The following KANK1 variants were observed in gnomAD, a reference collection of about 807,000 sequenced individuals.
KANK1 encodes the protein KN motif and ankyrin repeat domain-containing protein 1.
KANK1 carries 109 observed loss-of-function variants against 106.2 expected under a neutral mutation model. That is an observed-to-expected ratio of 1.03 (90% CI 0.88 to 1.20). The LOEUF is 1.20. Among genes scored for constraint, KANK1 ranks in the 50% most tolerant of loss-of-function variants. The probability of loss-of-function intolerance (pLI) is 0.00; values close to 1 mark genes in which losing one functional copy is unlikely to be tolerated. For missense variants in KANK1, 2,399 were observed against 1,710.7 expected, an observed-to-expected ratio of 1.40 and a Z score of -7.10; for synonymous variants, 873 against 652.2, an observed-to-expected ratio of 1.34 and a Z score of -5.16.
intron 1 of KANK1, among the ~76,000 whole-genome samples, chr9:605,703 C>T (rs1160101969): frequency 6.6e-6 from 1 of 151,786 alleles, no homozygotes; most frequent in Non-Finnish European, 1.5e-5. Context: ...AGAGAATAAG[C>T]ATGATCAGGC....
chr9:602,715 A>G (rs1026244295), intron 1 of KANK1, among the ~76,000 whole-genome samples: 1 of 151,838 alleles, frequency 6.6e-6, no homozygotes, highest in Admixed American at 6.5e-5. Flanking sequence ...TTTATGTGTG[A>G]AGTCTTTACG....
In KANK1 at chr9:486,342, AATC is replaced by A. The variant is rs564415814; in HGVS notation, c.-362+13076_-362+13078del. Among the ~76,000 whole-genome samples, 28 of 152,352 alleles carry A rather than the reference AATC, an allele frequency of 1.8e-4. No homozygotes were observed. The South Asian group carries it at 5.2e-3, about 28-fold the overall frequency. On this transcript the variant is annotated intron_variant, in intron 3 of 15. Coordinates refer to the KANK1 transcript ENST00000382303. Reference sequence around the variant, plus strand: ...TTGATCCTGTCTTTCCTCTTGAAGTAATCATCATCGTCGTCATGATCATCATCA... The same window carrying A: ...TTGATCCTGTCTTTCCTCTTGAAGTAATCATCGTCGTCATGATCATCATCA...
At chr9:604,072 A>G (rs16924547) in intron 1 of KANK1, among the ~76,000 whole-genome samples, 7,437 of 151,390 alleles carry the variant, frequency 0.049, 616 homozygotes, top group East Asian at 0.24. Flanking sequence ...CAGTGATTTC[A>G]GCAAAAAGTT....
intron 2 of KANK1, among the ~76,000 whole-genome samples, chr9:680,477 A>G (rs1817321606): frequency 6.6e-6 from 1 of 152,234 alleles, no homozygotes; most frequent in Non-Finnish European, 1.5e-5. Flanking sequence ...GCCACACTTC[A>G]GACATACAAA....
intron 1 of KANK1, among the ~76,000 whole-genome samples, chr9:564,204 C>G (rs1011118360): frequency 6.6e-6 from 1 of 151,874 alleles, no homozygotes; most frequent in South Asian, 2.1e-4. Context: ...GGATTACAGA[C>G]GCCCGCCACC....
At chr9:586,704 G>A (rs1248693751) in intron 1 of KANK1, among the ~76,000 whole-genome samples, 3 of 152,124 alleles carry the variant, frequency 2.0e-5, no homozygotes, top group South Asian at 2.1e-4. Context: ...CCAAACACAC[G>A]GAGGAGGAGA....
Position 672,026 on chromosome 9 carries a change from GTAAGCA to G in KANK1, c.-83-4861_-83-4856del, listed in dbSNP as rs200794717. Among the ~76,000 whole-genome samples, 36 of 152,320 alleles carry G rather than the reference GTAAGCA, an allele frequency of 2.4e-4. 1 individual carries two copies. In the East Asian group the frequency reaches 5.0e-3, roughly 21 times the overall value. ...AGGATTTGCGCAAAGCCTCCTTGCA[GTAAGCA>G]TATAGGTAACTAAGGTGTCTACCTT... On this transcript the variant is annotated intron_variant, in intron 1 of 11. Transcript: ENST00000382297.
At chr9:573,345 C>G (rs1363353718) in intron 1 of KANK1, among the ~76,000 whole-genome samples, 2 of 152,182 alleles carry the variant, frequency 1.3e-5, no homozygotes, top group Non-Finnish European at 2.9e-5. Flanking sequence ...TCTTGGCTCA[C>G]TGCAAGCTCC....
Position 491,229 on chromosome 9 carries a change from G to A in KANK1, c.-362+17956G>A, listed in dbSNP as rs149212187. On this transcript the variant is annotated intron_variant, in intron 3 of 15. Transcript: ENST00000382303. ...TCCTACCTCGGCCTCCCAAAGTGCTGGAATTACACATGTAAACCACCGTGC... is the reference window on the plus strand; with the variant it reads ...TCCTACCTCGGCCTCCCAAAGTGCTAGAATTACACATGTAAACCACCGTGC... Among the ~76,000 whole-genome samples, 384 of 151,488 alleles carry A rather than the reference G, an allele frequency of 2.5e-3. 4 individuals are homozygous for A. The highest frequency in any genetic ancestry group is 9.3e-3 in the African/African-American group (382 of 41,174).
At chr9:620,876 C>G (rs964637740) in intron 1 of KANK1, among the ~76,000 whole-genome samples, 6 of 152,166 alleles carry the variant, frequency 3.9e-5, no homozygotes, top group South Asian at 2.1e-4. Flanking sequence ...CTACAGCCCT[C>G]TTAACAATTT....
intron 1 of KANK1, among the ~76,000 whole-genome samples, chr9:573,379 C>G (rs1819703804): frequency 6.6e-6 from 1 of 152,120 alleles, no homozygotes; most frequent in Non-Finnish European, 1.5e-5. Context: ...ACGCCATTCT[C>G]TTGCCTCAGC....
chr9:542,439 G>C (rs1232181234), intron 1 of KANK1, among the ~76,000 whole-genome samples: 1 of 152,228 alleles, frequency 6.6e-6, no homozygotes, highest in Non-Finnish European at 1.5e-5. Context: ...GAGATAAAGG[G>C]ACCCTCTTAG....
intron 8 of KANK1, among the ~76,000 whole-genome samples, chr9:738,846 C>G (rs182192802): frequency 3.9e-5 from 6 of 152,316 alleles, no homozygotes; most frequent in Middle Eastern, 3.4e-3. Flanking sequence ...CCGGTTTGCA[C>G]TCAGGAGGCA....
chr9:604,353 G>T (rs548420921), intron 1 of KANK1, among the ~76,000 whole-genome samples: 1 of 151,692 alleles, frequency 6.6e-6, no homozygotes, highest in East Asian at 1.9e-4. Flanking sequence ...GGGACCTGAT[G>T]GGAGGTGATT....
intron 7 of KANK1, 119 bp downstream of exon 7, chr9:734,954 TC>T: frequency 1.4e-6 from 1 of 720,880 alleles, no homozygotes; most frequent in Non-Finnish European, 2.5e-6. Flanking sequence ...CTGAACTGTT[TC>T]CAGCATGAGT....
chr9:550,961 GT>G (rs1240074805), intron 1 of KANK1, among the ~76,000 whole-genome samples: 1 of 152,028 alleles, frequency 6.6e-6, no homozygotes, highest in East Asian at 1.9e-4. Flanking sequence ...TCTTTCTGCT[GT>G]ATCTTTGTGC....
rs538971400 is a variant in KANK1 at position 650,903 on chromosome 9, T to C, written c.-83-25987T>C. Among the ~76,000 whole-genome samples, 12 of 151,952 alleles carry C rather than the reference T, an allele frequency of 7.9e-5. No homozygotes were observed. The South Asian group carries it at 1.5e-3, about 18-fold the overall frequency. On this transcript the variant is annotated intron_variant, in intron 1 of 11. Coordinates refer to ENST00000382297, the MANE Select transcript of KANK1 (RefSeq NM_015158.5). The stretch of plus-strand genomic sequence containing the variant: ...GGGAAGGGCTGGAAGACTAAGAAAA[T>C]AGGAAATGAGAAGAAATGCACAAAG...
At chr9:625,515 G>A (rs558881199) in intron 1 of KANK1, among the ~76,000 whole-genome samples, 2 of 151,944 alleles carry the variant, frequency 1.3e-5, no homozygotes, top group Admixed American at 1.3e-4. Flanking sequence ...TTCTGGGTTG[G>A]GCCTTCTCAT....
At chr9:528,697 A>T (rs1411424722) in intron 1 of KANK1, among the ~76,000 whole-genome samples, 1 of 152,074 alleles carries the variant, frequency 6.6e-6, no homozygotes, top group Non-Finnish European at 1.5e-5. Flanking sequence ...CATGTTGGCC[A>T]GGCTGGTCTC....
Sources: allele counts gnomAD v4.1 joint callset (sites outside exome capture counted in the v4.1 genomes callset), GRCh38; gene constraint gnomAD v4.1.1; transcripts MANE v1.5; gene names NCBI Gene and HGNC (gene_info 2026-07-23, HGNC 2026-07-21).